CDKAL1: variants seen among roughly 807,000 people sequenced by gnomAD.
CDKAL1 encodes the protein CDKAL1 threonylcarbamoyladenosine tRNA methylthiotransferase.
Under a neutral mutation model 68.2 loss-of-function variants are expected in CDKAL1, and 32 were observed. The ratio of observed to expected loss-of-function variants is 0.47; its 90% CI spans 0.35 to 0.63. The LOEUF (loss-of-function observed/expected upper bound fraction) is 0.63. Ranked by LOEUF, CDKAL1 falls within the 30% of genes least tolerant of loss-of-function variation. The pLI is 0.00. For synonymous variants in CDKAL1, 234 were observed against 244.3 expected (o/e 0.96, Z 0.39); for missense variants, 606 against 696.7 (o/e 0.87, Z 1.47).
At chr6:20,657,579 A>G (rs937551199) in intron 5 of CDKAL1, among the ~76,000 whole-genome samples, 6 of 152,336 alleles carry the variant, frequency 3.9e-5, no homozygotes, top group Admixed American at 2.6e-4. Context: ...TGACAGGAAT[A>G]AAGAAAGATG....
chr6:20,997,663 G>A (rs1767193950), intron 10 of CDKAL1, among the ~76,000 whole-genome samples: 1 of 152,144 alleles, frequency 6.6e-6, no homozygotes, highest in African/African-American at 2.4e-5. Flanking sequence ...TATAGTAAGA[G>A]GCCACCCTGA....
intron 9 of CDKAL1, among the ~76,000 whole-genome samples, chr6:20,953,453 C>T (rs1764634516): frequency 6.6e-6 from 1 of 152,096 alleles, no homozygotes; most frequent in African/African-American, 2.4e-5. Flanking sequence ...TATTGTGTTG[C>T]TCAAATGCCA....
chr6:20,832,870 A>G (rs901633804), intron 8 of CDKAL1, among the ~76,000 whole-genome samples: 1 of 152,158 alleles, frequency 6.6e-6, no homozygotes, highest in Admixed American at 6.5e-5. Flanking sequence ...GCTTTACCAC[A>G]TTTTCCTGTA....
At chr6:20,838,907 G>A (rs537836832) in intron 8 of CDKAL1, among the ~76,000 whole-genome samples, 7 of 151,702 alleles carry the variant, frequency 4.6e-5, no homozygotes, top group African/African-American at 1.5e-4. Context: ...CCTGGGAGGC[G>A]GAGCTTGCAG....
intron 8 of CDKAL1, among the ~76,000 whole-genome samples, chr6:20,837,525 A>T (rs1490321728): frequency 2.0e-5 from 3 of 151,994 alleles, no homozygotes; most frequent in African/African-American, 7.3e-5. Context: ...TCCATTATTC[A>T]GGTTTTTTGG....
intron 13 of CDKAL1, among the ~76,000 whole-genome samples, chr6:21,131,870 C>A (rs1775338571): frequency 6.6e-6 from 1 of 152,168 alleles, no homozygotes; most frequent in African/African-American, 2.4e-5. Context: ...TCCAAAGAGA[C>A]CACTTTGTGA....
At chr6:21,190,611 C>A (rs1778195565) in intron 13 of CDKAL1, among the ~76,000 whole-genome samples, 1 of 152,212 alleles carries the variant, frequency 6.6e-6, no homozygotes, top group Admixed American at 6.5e-5. Context: ...AGGTGATCCA[C>A]CCGCCTCGGC....
chr6:20,778,898 T>C (rs1398757160), intron 7 of CDKAL1, among the ~76,000 whole-genome samples: 2 of 152,208 alleles, frequency 1.3e-5, no homozygotes, highest in Admixed American at 6.5e-5. Flanking sequence ...TTATCTCATC[T>C]AGAAACACCC....
intron 4 of CDKAL1, among the ~76,000 whole-genome samples, chr6:20,634,838 A>G (rs576234103): frequency 6.6e-6 from 1 of 151,810 alleles, no homozygotes; most frequent in African/African-American, 2.4e-5. Context: ...TTAGCCAGGT[A>G]TGGTGGCTCA....
At chr6:21,067,982 T>G (rs1208814905) in intron 12 of CDKAL1, among the ~76,000 whole-genome samples, 1 of 152,198 alleles carries the variant, frequency 6.6e-6, no homozygotes, top group Non-Finnish European at 1.5e-5. Flanking sequence ...TATATGTTTA[T>G]TAGCTATTTG....
At chr6:20,705,773 A>G (rs936728382) in intron 5 of CDKAL1, among the ~76,000 whole-genome samples, 2 of 152,148 alleles carry the variant, frequency 1.3e-5, no homozygotes, top group African/African-American at 2.4e-5. Flanking sequence ...AGCAGATCTA[A>G]CTTTATAGAA....
chr6:20,734,784 A>G (rs182137991), intron 5 of CDKAL1, among the ~76,000 whole-genome samples: 1 of 152,212 alleles, frequency 6.6e-6, no homozygotes, highest in African/African-American at 2.4e-5. Flanking sequence ...GGCTGGTCTC[A>G]AACGCCTTCC....
intron 4 of CDKAL1, among the ~76,000 whole-genome samples, chr6:20,586,786 A>G (rs1175814438): frequency 6.6e-6 from 1 of 150,974 alleles, no homozygotes; most frequent in Non-Finnish European, 1.5e-5. Context: ...AAATATCCAC[A>G]TGAGTGGAAG....
intron 13 of CDKAL1, among the ~76,000 whole-genome samples, chr6:21,144,911 A>G (rs1180258096): frequency 6.6e-6 from 1 of 152,180 alleles, no homozygotes; most frequent in African/African-American, 2.4e-5. Flanking sequence ...CATATTTTCT[A>G]AGATTTTCTG....
intron 11 of CDKAL1, among the ~76,000 whole-genome samples, chr6:21,033,759 G>A (rs1561977519): frequency 6.6e-6 from 1 of 152,158 alleles, no homozygotes; most frequent in Non-Finnish European, 1.5e-5. Context: ...CCATAGCCCT[G>A]GAAGCTGGCA....
intron 15 of CDKAL1, among the ~76,000 whole-genome samples, chr6:21,217,210 C>T (rs533004776): frequency 4.9e-4 from 74 of 151,328 alleles, no homozygotes; most frequent in African/African-American, 1.7e-3. Flanking sequence ...ATTTTCTCTT[C>T]AGCAAAGAGT....
intron 10 of CDKAL1, among the ~76,000 whole-genome samples, chr6:20,967,759 G>C (rs1169261915): frequency 6.6e-6 from 1 of 152,162 alleles, no homozygotes; most frequent in Non-Finnish European, 1.5e-5. Context: ...CAGCCTGAAG[G>C]GTTCCATTTA....
intron 13 of CDKAL1, among the ~76,000 whole-genome samples, chr6:21,193,020 T>C (rs185253854): frequency 6.6e-6 from 1 of 152,194 alleles, no homozygotes; most frequent in Non-Finnish European, 1.5e-5. Flanking sequence ...GGTCTTGCTA[T>C]GTGGCCCAGG....
At chr6:20,616,810 C>T (rs1766925527) in intron 4 of CDKAL1, among the ~76,000 whole-genome samples, 1 of 148,056 alleles carries the variant, frequency 6.8e-6, no homozygotes, top group Non-Finnish European at 1.5e-5. Flanking sequence ...CGAGACCAGC[C>T]TGGACAGCAT....
Sources: gnomAD v4.1 joint callset for allele counts (sites outside exome capture counted in the v4.1 genomes callset) on GRCh38, gnomAD v4.1.1 for gene constraint, MANE v1.5 for transcripts, NCBI Gene and HGNC (gene_info 2026-07-23, HGNC 2026-07-21) for gene names.